PRKN: variants seen among roughly 807,000 people sequenced by gnomAD.
PRKN encodes the protein parkin RBR E3 ubiquitin protein ligase.
Under a neutral mutation model 59.5 loss-of-function variants are expected in PRKN, and 56 were observed. The ratio of observed to expected loss-of-function variants is 0.94; its 90% confidence interval spans 0.76 to 1.18. The LOEUF (loss-of-function observed/expected upper bound fraction) is 1.18. Among genes scored for constraint, PRKN ranks in the 50% most tolerant of loss-of-function variants. PRKN has a pLI of 0.00. For missense variants in PRKN, 657 were observed against 596.4 expected (o/e 1.10, Z -1.06); for synonymous variants, 250 against 222.1 (o/e 1.13, Z -1.12).
At chr6:162,504,918 G>T (rs58980789) in intron 1 of PRKN, among the ~76,000 whole-genome samples, 42,763 of 152,062 alleles carry the variant, frequency 0.28, 6,878 homozygotes, top group Middle Eastern at 0.37. Flanking sequence ...GTAACCTGAA[G>T]AACCACTGGC....
At chr6:162,367,365 G>A (rs1314596556) in intron 2 of PRKN, among the ~76,000 whole-genome samples, 3 of 152,088 alleles carry the variant, frequency 2.0e-5, no homozygotes, top group East Asian at 1.9e-4. Context: ...CTGTTTTTTC[G>A]CTTATGCTAT....
intron 1 of PRKN, among the ~76,000 whole-genome samples, chr6:162,708,707 GGC>G (rs2128238160): frequency 6.6e-6 from 1 of 152,298 alleles, no homozygotes; most frequent in African/African-American, 2.4e-5. Context: ...CCCCATTCCA[GGC>G]ACCTTCAGAA....
At chr6:162,664,605 A>G (rs2128228869) in intron 1 of PRKN, among the ~76,000 whole-genome samples, 1 of 152,184 alleles carries the variant, frequency 6.6e-6, no homozygotes, top group African/African-American at 2.4e-5. Flanking sequence ...GTGGCATGGT[A>G]TCTCATTGTG....
intron 1 of PRKN, among the ~76,000 whole-genome samples, chr6:162,580,231 G>GT (rs1008404719): frequency 6.6e-6 from 1 of 152,114 alleles, no homozygotes; most frequent in African/African-American, 2.4e-5. Flanking sequence ...GAGCCCAGGA[G>GT]TTTGAGACCA....
chr6:162,727,387 G>T (rs1779308046), intron 1 of PRKN: 1 of 484,292 alleles, frequency 2.1e-6, no homozygotes, highest in Non-Finnish European at 3.6e-6. Flanking sequence ...GAGGAGCGGG[G>T]GTGCGGGGCC....
chr6:161,872,294 T>G (rs1033042402), intron 6 of PRKN, among the ~76,000 whole-genome samples: 1 of 152,088 alleles, frequency 6.6e-6, no homozygotes, highest in Admixed American at 6.5e-5. Flanking sequence ...GGTGAGAAGA[T>G]GAGCCATAAG....
At chr6:162,362,263 T>C (rs748662474) in intron 2 of PRKN, among the ~76,000 whole-genome samples, 3 of 152,230 alleles carry the variant, frequency 2.0e-5, no homozygotes, top group Non-Finnish European at 4.4e-5. Context: ...AATGTTTTCG[T>C]TATTTTTCTC....
intron 9 of PRKN, among the ~76,000 whole-genome samples, chr6:161,510,982 T>C (rs1167379899): frequency 2.0e-5 from 3 of 152,188 alleles, no homozygotes; most frequent in Non-Finnish European, 2.9e-5. Flanking sequence ...TCTTCCAATA[T>C]GGAAGATGCT....
intron 2 of PRKN, among the ~76,000 whole-genome samples, chr6:162,272,999 GAA>G (rs548215878): frequency 1.8e-4 from 10 of 54,994 alleles, no homozygotes; most frequent in South Asian, 1.8e-3. Context: ...GCCTGTGTCT[GAA>G]AAAAAAAAAA....
intron 4 of PRKN, among the ~76,000 whole-genome samples, chr6:162,176,875 A>T (rs1301787451): frequency 6.6e-6 from 1 of 151,636 alleles, no homozygotes; most frequent in Non-Finnish European, 1.5e-5. Context: ...AACAAAATTT[A>T]AGTTACAAGA....
chr6:161,530,945 A>T lies in PRKN; in HGVS notation c.1083+17909T>A, dbSNP rs552146431. Among the ~76,000 whole-genome samples, 1 of 152,318 alleles carries T rather than the reference A, an allele frequency of 6.6e-6. No homozygotes were observed. Among genetic ancestry groups the T allele is most frequent in the East Asian group, 1.9e-4 (1 of 5,172 alleles). On this transcript the variant is annotated intron_variant, in intron 9 of 11. Transcript: ENST00000366898. The surrounding 1 kb of genome is among the most constrained non-coding windows in gnomAD (Gnocchi z 5.0). Reference sequence around the variant, plus strand: ...CAAATCTTTACCAAAATCCTAACACATCAAATTTCAGTTTCATATTTTCAA... The same window carrying T: ...CAAATCTTTACCAAAATCCTAACACTTCAAATTTCAGTTTCATATTTTCAA...
chr6:162,498,393 CT>C (rs60024002), intron 1 of PRKN, among the ~76,000 whole-genome samples: 351 of 21,556 alleles, frequency 0.016, 5 homozygotes, highest in African/African-American at 0.04. Context: ...TCTTTCTTTC[CT>C]TTTTTTTTTT....
At chr6:161,857,730 T>G (rs1269821257) in intron 6 of PRKN, among the ~76,000 whole-genome samples, 1 of 152,218 alleles carries the variant, frequency 6.6e-6, no homozygotes, top group Non-Finnish European at 1.5e-5. Context: ...TACTACCATT[T>G]CTATACGTAG....
rs1197400482 is a variant in PRKN at position 161,385,180 on chromosome 6, G to A, written c.1167+1614C>T. 6.7e-6 allele frequency among the ~76,000 whole-genome samples: 1 copy of A among 150,204 alleles called. No homozygotes were observed. The highest frequency in any genetic ancestry group is 1.5e-5 in the Non-Finnish European group (1 of 67,534). On this transcript the variant is annotated intron_variant, in intron 10 of 11. Transcript: ENST00000366898. The surrounding 1 kb of genome is among the most constrained non-coding windows in gnomAD (Gnocchi z 4.9). ...CTTGACCTCATGATCCGCCCACCTC[G>A]GCCTCCCAAAGTGCTGGGATTACAG...
intron 1 of PRKN, among the ~76,000 whole-genome samples, chr6:162,720,701 C>A (rs568098666): frequency 6.6e-6 from 1 of 151,918 alleles, no homozygotes. Flanking sequence ...CCACCCGCCT[C>A]GGCCTCCCAA....
At chr6:162,306,181 A>G (rs980783503) in intron 2 of PRKN, among the ~76,000 whole-genome samples, 2 of 152,176 alleles carry the variant, frequency 1.3e-5, no homozygotes, top group African/African-American at 4.8e-5. Flanking sequence ...ACAAGAAGTA[A>G]CCCTAAATGA....
chr6:162,105,352 C>G (rs1236022357), intron 4 of PRKN, among the ~76,000 whole-genome samples: 1 of 152,028 alleles, frequency 6.6e-6, no homozygotes, highest in Admixed American at 6.6e-5. Context: ...ACAAATAATG[C>G]CTTCAAGGAG....
At chr6:162,653,407 A>T (rs1467559474) in intron 1 of PRKN, among the ~76,000 whole-genome samples, 1 of 152,132 alleles carries the variant, frequency 6.6e-6, no homozygotes, top group Non-Finnish European at 1.5e-5. Flanking sequence ...ATTTTTCATA[A>T]TAATTTTTTA....
chr6:162,479,212 AAAC>A (rs1489650241), intron 1 of PRKN, among the ~76,000 whole-genome samples: 1 of 152,026 alleles, frequency 6.6e-6, no homozygotes, highest in East Asian at 1.9e-4. Flanking sequence ...TTAAAAAAAA[AAAC>A]AACCTTTAAA....
Sources: gnomAD v4.1 joint callset for allele counts (sites outside exome capture counted in the v4.1 genomes callset) on GRCh38, gnomAD v4.1.1 for gene constraint, Gnocchi (gnomAD v3.1) non-coding constraint, MANE v1.5 for transcripts, NCBI Gene and HGNC (gene_info 2026-07-23, HGNC 2026-07-21) for gene names.